The following WDPCP variants were observed in gnomAD, a reference collection of about 807,000 sequenced individuals.
The protein encoded by WDPCP is WD repeat-containing and planar cell polarity effector protein fritz homolog.
A neutral mutation model predicts 93.1 loss-of-function variants in WDPCP; 71 were observed. That is an observed-to-expected ratio of 0.76 (90% CI 0.63 to 0.93). The LOEUF is 0.93. Ranked by LOEUF, WDPCP falls within the 40% of genes least tolerant of loss-of-function variation. The pLI, the probability that WDPCP is intolerant of heterozygous loss-of-function variation, is 0.00. For synonymous variants in WDPCP, 315 were observed against 315.0 expected (o/e 1.00, Z 0.00); for missense variants, 844 against 887.4 (o/e 0.95, Z 0.62).
chr2:63,827,113 CA>C (rs1435538517), intron 1 of WDPCP, among the ~76,000 whole-genome samples: 1 of 152,108 alleles, frequency 6.6e-6, no homozygotes, highest in Non-Finnish European at 1.5e-5. Context: ...ATTTTAAAAG[CA>C]GCTTATACTG....
At chr2:63,495,124 G>C (rs1701148281) in intron 1 of WDPCP, among the ~76,000 whole-genome samples, 1 of 152,270 alleles carries the variant, frequency 6.6e-6, no homozygotes, top group African/African-American at 2.4e-5. Context: ...TCAATCCCCA[G>C]ATCTGCCCTG....
chr2:63,823,228 C>A (rs925258515), intron 1 of WDPCP, among the ~76,000 whole-genome samples: 1 of 150,198 alleles, frequency 6.7e-6, no homozygotes, highest in African/African-American at 2.4e-5. Flanking sequence ...AAAACTTTGG[C>A]CAGGCGCAGT....
chr2:63,766,114 G>A (rs897204504), intron 2 of WDPCP, among the ~76,000 whole-genome samples: 1 of 152,234 alleles, frequency 6.6e-6, no homozygotes, highest in African/African-American at 2.4e-5. Flanking sequence ...GATGAGTGGA[G>A]GTAGAGCACA....
intron 6 of WDPCP, among the ~76,000 whole-genome samples, chr2:63,471,229 T>A (rs548997939): frequency 6.6e-6 from 1 of 152,254 alleles, no homozygotes; most frequent in African/African-American, 2.4e-5. Flanking sequence ...CTATCTGGCA[T>A]ATTGTTGGTA....
rs947865034 is a variant in WDPCP at position 63,305,144 on chromosome 2, G to A, written c.1812+8104C>T. On this transcript the variant is annotated intron_variant, in intron 13 of 17. Coordinates refer to ENST00000272321, the MANE Select transcript of WDPCP (RefSeq NM_015910.7). Reference sequence around the variant, plus strand: ...CCACCTCCCTGGGACAGAGCACCTGGGGGAAAGGGCGACTTTGGGCACAGC... The same window carrying A: ...CCACCTCCCTGGGACAGAGCACCTGAGGGAAAGGGCGACTTTGGGCACAGC... Among the ~76,000 whole-genome samples, 4 of 152,136 alleles carry A rather than the reference G, an allele frequency of 2.6e-5. No homozygotes were observed. The East Asian group carries it at 7.7e-4, about 29-fold the overall frequency.
chr2:63,645,498 C>A (rs1451304483), intron 3 of WDPCP, among the ~76,000 whole-genome samples: 1 of 152,154 alleles, frequency 6.6e-6, no homozygotes, highest in African/African-American at 2.4e-5. Flanking sequence ...ATGAAATGTT[C>A]TGAAAGTGTC....
intron 1 of WDPCP, among the ~76,000 whole-genome samples, chr2:63,825,184 T>C (rs1049159786): frequency 6.6e-6 from 1 of 152,028 alleles, no homozygotes; most frequent in Non-Finnish European, 1.5e-5. Flanking sequence ...ACTAGGAAAG[T>C]TTTTGCTTTG....
chr2:63,546,502 GC>G (rs1705162264), intron 1 of WDPCP, among the ~76,000 whole-genome samples: 1 of 152,158 alleles, frequency 6.6e-6, no homozygotes, highest in Non-Finnish European at 1.5e-5. Context: ...CTGAAAGGAG[GC>G]CAGGGGATTC....
At chr2:63,493,697 T>C (rs1575522469) in intron 1 of WDPCP, among the ~76,000 whole-genome samples, 1 of 152,076 alleles carries the variant, frequency 6.6e-6, no homozygotes, top group Non-Finnish European at 1.5e-5. Context: ...CTAGTCTGCA[T>C]TAGAAAAAAG....
At chr2:63,572,431 G>A (rs2106478950) in intron 1 of WDPCP, among the ~76,000 whole-genome samples, 1 of 152,104 alleles carries the variant, frequency 6.6e-6, no homozygotes, top group South Asian at 2.1e-4. Flanking sequence ...GGCGGGGCAT[G>A]GTGGCTCATG....
chr2:63,153,928 A>C (rs1291796846), intron 15 of WDPCP, among the ~76,000 whole-genome samples: 3 of 152,038 alleles, frequency 2.0e-5, no homozygotes, highest in African/African-American at 7.2e-5. Context: ...TTATTACAAA[A>C]TTAAAATGAA....
intron 3 of WDPCP, among the ~76,000 whole-genome samples, chr2:63,641,797 A>T (rs142466045): frequency 6.6e-6 from 1 of 152,212 alleles, no homozygotes; most frequent in East Asian, 1.9e-4. Context: ...TTTTAACTTC[A>T]TGTGATCCCA....
intron 2 of WDPCP, among the ~76,000 whole-genome samples, chr2:63,721,059 CA>C (rs1385503819): frequency 6.6e-6 from 1 of 152,182 alleles, no homozygotes; most frequent in Non-Finnish European, 1.5e-5. Flanking sequence ...CTGAAGCAAA[CA>C]ACAGTTCTTT....
At chr2:63,671,310 G>A (rs965553655) in intron 2 of WDPCP, among the ~76,000 whole-genome samples, 1 of 152,242 alleles carries the variant, frequency 6.6e-6, no homozygotes, top group African/African-American at 2.4e-5. Flanking sequence ...AGTGCAGCAG[G>A]GATACTAACA....
At chr2:63,597,892 T>C (rs1678716488) in intron 3 of WDPCP, 1 of 167,480 alleles carries the variant, frequency 6.0e-6, no homozygotes, top group Non-Finnish European at 1.3e-5. Flanking sequence ...TATTTAGACA[T>C]TTAAATTTGT....
intron 12 of WDPCP, 78 bp from the exon 13 acceptor site, chr2:63,313,389 T>A (rs1439031789): frequency 7.5e-7 from 1 of 1,334,436 alleles, no homozygotes; most frequent in Non-Finnish European, 1.1e-6. Flanking sequence ...TTAACATATA[T>A]CTGTGATACT....
chr2:63,371,748 C>A (rs940767514), intron 12 of WDPCP, among the ~76,000 whole-genome samples: 1 of 152,074 alleles, frequency 6.6e-6, no homozygotes, highest in Non-Finnish European at 1.5e-5. Context: ...AAGGCTAAGG[C>A]TAGGATGAGA....
chr2:63,470,292 C>T (rs566274778), intron 6 of WDPCP, among the ~76,000 whole-genome samples: 2 of 152,274 alleles, frequency 1.3e-5, no homozygotes, highest in South Asian at 2.1e-4. Context: ...CTACAAATTC[C>T]AATAATCAAC....
chr2:63,623,521 A>C (rs1485373875), intron 3 of WDPCP, among the ~76,000 whole-genome samples: 1 of 152,208 alleles, frequency 6.6e-6, no homozygotes, highest in Admixed American at 6.5e-5. Flanking sequence ...AAAAAAAAAA[A>C]AGAAGGGGTT....
Sources: gnomAD v4.1 joint callset for allele counts (sites outside exome capture counted in the v4.1 genomes callset) on GRCh38, gnomAD v4.1.1 for gene constraint, MANE v1.5 for transcripts, NCBI Gene and HGNC (gene_info 2026-07-23, HGNC 2026-07-21) for gene names.